SOD2: variants seen among roughly 807,000 people sequenced by gnomAD.
SOD2 encodes superoxide dismutase 2, also known as superoxide dismutase [Mn], mitochondrial.
Under a neutral mutation model 27.0 loss-of-function variants are expected in SOD2, and 11 were observed. The ratio of observed to expected loss-of-function variants is 0.41; its 90% CI spans 0.26 to 0.67. The LOEUF (loss-of-function observed/expected upper bound fraction) is 0.67. Ranked by LOEUF, SOD2 falls within the 30% of genes least tolerant of loss-of-function variation. The probability of loss-of-function intolerance (pLI) is 0.34; values close to 1 mark genes in which losing one functional copy is unlikely to be tolerated. For synonymous variants in SOD2, 105 were observed against 103.0 expected, an observed-to-expected ratio of 1.02 and a Z score of -0.12; for missense variants, 250 against 274.5, an observed-to-expected ratio of 0.91 and a Z score of 0.63.
At chr6:159,711,984 ACACT>A (rs1777793620) in intron 1 of SOD2, among the ~76,000 whole-genome samples, 4 of 96,478 alleles carry the variant, frequency 4.1e-5, no homozygotes, top group African/African-American at 1.8e-4. Context: ...ACCACCACTC[ACACT>A]GCTCAGACCT....
At chr6:159,714,655 C>T (rs1364210951) in intron 1 of SOD2, among the ~76,000 whole-genome samples, 9 of 152,174 alleles carry the variant, frequency 5.9e-5, no homozygotes, top group Non-Finnish European at 1.2e-4. Context: ...TTCTGTGTGC[C>T]CAGATTATGA....
intron 1 of SOD2, among the ~76,000 whole-genome samples, chr6:159,739,840 T>C (rs1225090332): frequency 7.1e-6 from 1 of 140,152 alleles, no homozygotes; most frequent in Non-Finnish European, 1.5e-5. Context: ...TTTTTTTTTT[T>C]TTTTTTTTTT....
Position 159,679,758 on chromosome 6 carries a change from T to C in SOD2, c.*2735A>G, listed in dbSNP as rs62437307. 7.2e-5 allele frequency: 11 copies of C among 152,228 alleles called. No individual in the cohort carries two copies. The highest frequency in any genetic ancestry group is 2.7e-4 in the African/African-American group (11 of 41,462). The allele number at this position is 152,228 out of a possible 1,614,324, so 9.4% of individuals were successfully genotyped here. A position where few individuals can be genotyped will look rare whatever the true frequency, so the allele number is the denominator to read the frequency against. On this transcript the variant is annotated 3_prime_UTR_variant, in exon 5 of 5. Coordinates refer to ENST00000538183, the MANE Select transcript of SOD2 (RefSeq NM_000636.4). The stretch of plus-strand genomic sequence containing the variant: ...GTTCTTTTCAGAAGAAAAGCAATTT[T>C]ACCTTTTCTATTTCTATTATGAAAA...
At chr6:159,722,959 C>A (rs1778069604) in intron 1 of SOD2, among the ~76,000 whole-genome samples, 1 of 152,220 alleles carries the variant, frequency 6.6e-6, no homozygotes. Context: ...TATGCCCATC[C>A]AGAGAAAGCC....
intron 1 of SOD2, among the ~76,000 whole-genome samples, chr6:159,738,077 T>C (rs1016013249): frequency 6.6e-6 from 1 of 152,236 alleles, no homozygotes; most frequent in Non-Finnish European, 1.5e-5. Flanking sequence ...ACAGAGCTTA[T>C]TCACATTTCA....
rs1779648107 is a variant in SOD2, at chr6:159,671,165, G to A, written c.*11328C>T. The A allele has an allele frequency of 6.6e-6, 1 of 152,310 alleles. No individual in the cohort carries two copies. The allele number at this position is 152,310 out of a possible 1,614,324, so 9.4% of individuals were successfully genotyped here. A position where few individuals can be genotyped will look rare whatever the true frequency, so the allele number is the denominator to read the frequency against. The stretch of plus-strand genomic sequence containing the variant: ...CTGCCTCTGTAGACTCCACCTCTGG[G>A]GGCATGGCATAGCCGAACAAAAGGC... On this transcript the variant is annotated 3_prime_UTR_variant, in exon 5 of 5. Coordinates refer to ENST00000538183, the MANE Select transcript of SOD2 (RefSeq NM_000636.4).
chr6:159,753,013 A>T (rs1340419671), intron 1 of SOD2, among the ~76,000 whole-genome samples: 1 of 152,174 alleles, frequency 6.6e-6, no homozygotes, highest in Non-Finnish European at 1.5e-5. Flanking sequence ...ACTCTCATTC[A>T]TTTTTATTTG....
chr6:159,743,655 G>T (rs1437823769), intron 1 of SOD2: 7 of 1,571,972 alleles, frequency 4.5e-6, no homozygotes, highest in South Asian at 2.4e-5. Context: ...ATTTTTTTTT[G>T]AATCATCAGC....
rs1024456701 is a variant in SOD2, at chr6:159,672,205, A to G, written c.*10288T>C. The G allele has an allele frequency of 6.6e-6, 1 of 152,238 alleles. No individual in the cohort carries two copies. The highest frequency in any genetic ancestry group is 1.5e-5 in the Non-Finnish European group (1 of 68,050). The allele number at this position is 152,238 out of a possible 1,614,324, so 9.4% of individuals were successfully genotyped here. ...CCAGGAGAACTTCCCCAATCTAGCAAGGGAGGACAACATTCAAATTCAGGA... is the reference window on the plus strand; with the variant it reads ...CCAGGAGAACTTCCCCAATCTAGCAGGGGAGGACAACATTCAAATTCAGGA... On this transcript the variant is annotated 3_prime_UTR_variant, in exon 5 of 5. Coordinates refer to ENST00000538183, the MANE Select transcript of SOD2 (RefSeq NM_000636.4).
intron 1 of SOD2, among the ~76,000 whole-genome samples, chr6:159,705,698 A>G (rs1262404434): frequency 6.6e-6 from 1 of 152,224 alleles, no homozygotes; most frequent in African/African-American, 2.4e-5. Flanking sequence ...ACTCTGCAGG[A>G]TATTATCCAG....
In SOD2 at chr6:159,682,628, T is replaced by C. The variant is rs971534926; in HGVS notation, c.534A>G (p.Pro178=). The change falls in exon 5 of 5, where the codon CCA becomes CCG. Residue 178 remains proline, a synonymous_variant. Transcript: ENST00000538183. Reference sequence around the variant, plus strand: ...GCTCCCACACATCAATCCCCAGCAGTGGAATAAGGCCTGTTAGAAAGAAGG... The same window carrying C: ...GCTCCCACACATCAATCCCCAGCAGCGGAATAAGGCCTGTTAGAAAGAAGG... ...DPLQGTTGLI[P]LLGIDVWEHA... is the part of the protein sequence containing the mutation. 2 of 1,611,024 alleles carry C rather than the reference T, an allele frequency of 1.2e-6. No individual in the cohort carries two copies. Among genetic ancestry groups the C allele is most frequent in the Admixed American group, 3.4e-5 (2 of 59,200 alleles).
intron 1 of SOD2, among the ~76,000 whole-genome samples, chr6:159,740,046 T>G (rs1779156701): frequency 6.6e-6 from 1 of 151,854 alleles, no homozygotes; most frequent in Non-Finnish European, 1.5e-5. Context: ...AGAGGTGAGG[T>G]GCTGCTCAGG....
At chr6:159,755,243 A>G (rs1184568580) in intron 1 of SOD2, 1 of 1,614,212 alleles carries the variant, frequency 6.2e-7, no homozygotes, top group Non-Finnish European at 8.5e-7. Flanking sequence ...TCGTCTGACA[A>G]ACGGACCAAG....
At chr6:159,758,916 C>A (rs1050185160) in intron 1 of SOD2, among the ~76,000 whole-genome samples, 3 of 152,144 alleles carry the variant, frequency 2.0e-5, no homozygotes, top group Non-Finnish European at 4.4e-5. Context: ...AAGGCCCCTT[C>A]AGGATAAACT....
intron 1 of SOD2, among the ~76,000 whole-genome samples, chr6:159,705,266 A>G (rs1445383872): frequency 6.6e-6 from 1 of 152,282 alleles, no homozygotes; most frequent in Admixed American, 6.5e-5. Context: ...ACAAAGCTGG[A>G]CAGAGAATGA....
At chr6:159,720,847 C>T (rs979766051) in intron 1 of SOD2, among the ~76,000 whole-genome samples, 27 of 59,938 alleles carry the variant, frequency 4.5e-4, no homozygotes, top group Admixed American at 1.7e-3. Context: ...TTTTCTTTAC[C>T]TTTTTTTTTT....
chr6:159,687,120 T>A (rs1335352589), intron 3 of SOD2, among the ~76,000 whole-genome samples: 1 of 152,212 alleles, frequency 6.6e-6, no homozygotes, highest in Non-Finnish European at 1.5e-5. Flanking sequence ...GTTATCCCTG[T>A]ATCACATAGA....
At chr6:159,744,178 G>A (rs1025105132) in intron 1 of SOD2, among the ~76,000 whole-genome samples, 1 of 152,258 alleles carries the variant, frequency 6.6e-6, no homozygotes, top group South Asian at 2.1e-4. Flanking sequence ...TCCCCTCTGT[G>A]TATAGAACTG....
intron 2 of SOD2, chr6:159,692,354 A>G: frequency 8.3e-7 from 1 of 1,205,568 alleles, no homozygotes; most frequent in Non-Finnish European, 1.1e-6. Context: ...CTTTCTTTTC[A>G]GGCCCTACAA....
Sources: allele counts gnomAD v4.1 joint callset (sites outside exome capture counted in the v4.1 genomes callset), GRCh38; gene constraint gnomAD v4.1.1; transcripts MANE v1.5; gene names NCBI Gene and HGNC (gene_info 2026-07-23, HGNC 2026-07-21).